Variants in ADGRL4 observed in about 807,000 individuals in gnomAD.
ADGRL4 encodes adhesion G protein-coupled receptor L4.
A neutral mutation model predicts 74.8 loss-of-function variants in ADGRL4; 90 were observed. The ratio of observed to expected loss-of-function variants is 1.20; its 90% CI spans 1.02 to 1.43. ADGRL4 has a LOEUF of 1.43. Ranked by LOEUF, ADGRL4 falls within the 40% of genes most tolerant of loss-of-function variation. ADGRL4 has a pLI of 0.00. For synonymous variants in ADGRL4, 311 were observed against 279.2 expected (o/e 1.11, Z -1.14); for missense variants, 881 against 814.3 (o/e 1.08, Z -1.00).
At chr1:78,993,014 T>C (rs1478109898) in intron 2 of ADGRL4, among the ~76,000 whole-genome samples, 3 of 152,138 alleles carry the variant, frequency 2.0e-5, no homozygotes, top group Non-Finnish European at 4.4e-5. Context: ...CCTAAACATG[T>C]AAATTTTAGT....
chr1:79,000,097 A>G (rs1393766417), intron 2 of ADGRL4, among the ~76,000 whole-genome samples: 1 of 152,104 alleles, frequency 6.6e-6, no homozygotes, highest in African/African-American at 2.4e-5. Flanking sequence ...TTTCAGTTTC[A>G]TTCTTCATCC....
chr1:78,989,597 A>C (rs1292078279), intron 2 of ADGRL4, among the ~76,000 whole-genome samples: 1 of 151,666 alleles, frequency 6.6e-6, no homozygotes, highest in African/African-American at 2.4e-5. Context: ...TATGTGTTGT[A>C]GTTTGTGGAG....
intron 2 of ADGRL4, among the ~76,000 whole-genome samples, chr1:78,997,326 C>T (rs1001440216): frequency 6.6e-6 from 1 of 152,104 alleles, no homozygotes; most frequent in Non-Finnish European, 1.5e-5. Flanking sequence ...ATCCCGCAAC[C>T]ACCCTTGCAA....
chr1:78,997,554 G>A (rs970946802), intron 2 of ADGRL4, among the ~76,000 whole-genome samples: 2 of 152,086 alleles, frequency 1.3e-5, no homozygotes, highest in African/African-American at 4.8e-5. Flanking sequence ...TAGTTCTTTT[G>A]TACATAGAAG....
Position 78,921,474 on chromosome 1 carries a change from G to GTTGGGGTTTT in ADGRL4, c.1257+129_1257+138dup, listed in dbSNP as rs1345139794. On this transcript the variant is annotated intron_variant, in intron 9 of 14. Coordinates refer to ENST00000370742, the MANE Select transcript of ADGRL4 (RefSeq NM_022159.4). ...GAAAACAGACAGAAAGAAAGATCCT[G>GTTGGGGTTTT]TTGGGGTTTTATCTCTTATACTAAA... 10 of 436,622 alleles carry GTTGGGGTTTT rather than the reference G, an allele frequency of 2.3e-5. No homozygotes were observed. In the South Asian group the frequency reaches 8.1e-4, roughly 35 times the overall value. The allele number at this position is 436,622 out of a possible 1,614,324, so 27.0% of individuals were successfully genotyped here. A position where few individuals can be genotyped will look rare whatever the true frequency, so the allele number is the denominator to read the frequency against.
intron 8 of ADGRL4, among the ~76,000 whole-genome samples, chr1:78,925,058 C>G (rs920142065): frequency 2.0e-5 from 3 of 151,968 alleles, no homozygotes; most frequent in Non-Finnish European, 4.4e-5. Context: ...TTAGCTGAGA[C>G]ACTGACACCA....
chr1:78,935,540 AAAC>A lies in ADGRL4; in HGVS notation c.877+752_877+754del, dbSNP rs1467197990. Among the ~76,000 whole-genome samples the A allele has an allele frequency of 7.8e-5, 11 of 140,574 alleles. No individual in the cohort carries two copies. In the South Asian group the frequency reaches 1.2e-3, roughly 15 times the overall value. 92.2% of individuals were successfully genotyped at this position (140,574 alleles called of 152,430 possible). A position where few individuals can be genotyped will look rare whatever the true frequency, so the allele number is the denominator to read the frequency against. On this transcript the variant is annotated intron_variant, in intron 7 of 14. Coordinates refer to ENST00000370742, the MANE Select transcript of ADGRL4 (RefSeq NM_022159.4). Reference sequence around the variant, plus strand: ...GAGTTAAGCAAAATTAAAAAAAAAAAAACAAACCTACTTTAAAAAAATCTCTAT... The same window carrying A: ...GAGTTAAGCAAAATTAAAAAAAAAAAAAACCTACTTTAAAAAAATCTCTAT...
At chr1:78,904,414 A>C (rs1648587299) in intron 12 of ADGRL4, among the ~76,000 whole-genome samples, 1 of 152,080 alleles carries the variant, frequency 6.6e-6, no homozygotes, top group Non-Finnish European at 1.5e-5. Flanking sequence ...GATCTATTTT[A>C]AATATTGTTA....
At chr1:78,966,696 C>G (rs752022081) in intron 2 of ADGRL4, among the ~76,000 whole-genome samples, 2 of 152,128 alleles carry the variant, frequency 1.3e-5, no homozygotes, top group Non-Finnish European at 2.9e-5. Context: ...CACATCTTCC[C>G]CTTCCCTGGC....
In ADGRL4 at chr1:78,921,777, T is replaced by G. The variant is rs771821016; in HGVS notation, c.1093A>C (p.Arg365=). The G allele has an allele frequency of 2.0e-6, 3 of 1,495,954 alleles. No individual in the cohort carries two copies. The highest frequency in any genetic ancestry group is 2.7e-6 in the Non-Finnish European group (3 of 1,120,872). The allele number at this position is 1,495,954 out of a possible 1,614,324, so 92.7% of individuals were successfully genotyped here. The change falls in exon 9 of 15, where the codon AGG becomes CGG. Residue 365 remains arginine (R), a synonymous_variant. Coordinates refer to ENST00000370742, the MANE Select transcript of ADGRL4 (RefSeq NM_022159.4). ...CAAAATGCACATAGACTCCTATACCTATCTGTGACCTGAAAAAAAGATACT... is the reference window on the plus strand; with the variant it reads ...CAAAATGCACATAGACTCCTATACCGATCTGTGACCTGAAAAAAAGATACT... ...FTLSHRKVTD[R]YRSLCAFWNY...
At chr1:78,999,309 G>A (rs1287943308) in intron 2 of ADGRL4, among the ~76,000 whole-genome samples, 1 of 152,150 alleles carries the variant, frequency 6.6e-6, no homozygotes, top group Non-Finnish European at 1.5e-5. Context: ...GGAAGTATTG[G>A]AAGTGCTATC....
chr1:78,891,264 C>T (rs541284919), intron 14 of ADGRL4, 48 bp from the exon 15 acceptor site: 5 of 1,526,182 alleles, frequency 3.3e-6, no homozygotes, highest in African/African-American at 2.8e-5. Context: ...ATAACAATCA[C>T]ATTTAATTTC....
intron 12 of ADGRL4, among the ~76,000 whole-genome samples, chr1:78,915,905 G>C (rs149738624): frequency 3.0e-4 from 45 of 151,860 alleles, no homozygotes; most frequent in Non-Finnish European, 5.0e-4. Context: ...TTTAAAAAAG[G>C]TATTATAAAA....
At chr1:78,927,672 A>T (rs570972280) in intron 7 of ADGRL4, among the ~76,000 whole-genome samples, 92 of 152,222 alleles carry the variant, frequency 6.0e-4, no homozygotes, top group African/African-American at 2.1e-3. Flanking sequence ...AAACTCCCCA[A>T]ATGCAGTGCA....
chr1:78,987,430 G>A (rs915789464), intron 2 of ADGRL4, among the ~76,000 whole-genome samples: 1 of 151,576 alleles, frequency 6.6e-6, no homozygotes, highest in Non-Finnish European at 1.5e-5. Flanking sequence ...TATATACATT[G>A]GATGTACAGT....
At chr1:78,907,976 C>G (rs1648681505) in intron 12 of ADGRL4, among the ~76,000 whole-genome samples, 1 of 151,824 alleles carries the variant, frequency 6.6e-6, no homozygotes, top group Admixed American at 6.6e-5. Flanking sequence ...CTTGGGAAGC[C>G]CTGAAACTAG....
intron 12 of ADGRL4, among the ~76,000 whole-genome samples, chr1:78,897,344 C>T (rs1457945824): frequency 6.6e-6 from 1 of 152,070 alleles, no homozygotes; most frequent in Non-Finnish European, 1.5e-5. Flanking sequence ...CTTCTGATAC[C>T]TGATTGTTCT....
At chr1:78,954,357 G>C (rs1264606890) in intron 2 of ADGRL4, among the ~76,000 whole-genome samples, 2 of 151,384 alleles carry the variant, frequency 1.3e-5, no homozygotes, top group Non-Finnish European at 2.9e-5. Context: ...ATTCACAATT[G>C]AATTTAAAAA....
rs931727534 is a variant in ADGRL4, at chr1:78,997,714, T to C, written c.172+7356A>G. 2.6e-5 allele frequency among the ~76,000 whole-genome samples: 4 copies of C among 152,192 alleles called. 1 individual carries two copies. Among genetic ancestry groups the C allele is most frequent in the Admixed American group, 2.6e-4 (4 of 15,272 alleles). ...TCTAGGTGTTTATATTGTTCACTTT[T>C]CCTCAATGACTGGACTATCTTTAAA... On this transcript the variant is annotated intron_variant, in intron 2 of 14. Transcript: ENST00000370742.
Sources: allele counts gnomAD v4.1 joint callset (sites outside exome capture counted in the v4.1 genomes callset), GRCh38; gene constraint gnomAD v4.1.1; transcripts MANE v1.5; gene names NCBI Gene and HGNC (gene_info 2026-07-23, HGNC 2026-07-21).